CERS1: variants seen among roughly 807,000 people sequenced by gnomAD.
CERS1 encodes ceramide synthase 1.
CERS1 carries 16 observed loss-of-function variants against 35.7 expected under a neutral mutation model. That is an observed-to-expected ratio of 0.45 (90% CI 0.30 to 0.68). CERS1 has a LOEUF of 0.68. Among genes scored for constraint, CERS1 ranks in the 30% least tolerant of loss-of-function variants. The pLI is 0.08. For missense variants in CERS1, 454 were observed against 453.9 expected (o/e 1.00, Z 0.00); for synonymous variants, 243 against 201.6 (o/e 1.21, Z -1.74).
At chr19:18,889,167 C>T (rs569322336) in intron 2 of CERS1, among the ~76,000 whole-genome samples, 6 of 152,176 alleles carry the variant, frequency 3.9e-5, no homozygotes, top group South Asian at 4.1e-4. Context: ...GCTAGGATTA[C>T]AGGTGTGAGC....
At position 18,884,242 on chromosome 19, in the gene CERS1, T is replaced by C. The variant is rs754993958; in HGVS notation, c.435A>G (p.Pro145=). 2.5e-6 allele frequency: 4 copies of C among 1,613,170 alleles called. No individual in the cohort carries two copies. Among genetic ancestry groups the C allele is most frequent in the Admixed American group, 3.3e-5 (2 of 59,948 alleles). ...GCAGGTAGGCGGCTGCAATGTCCCGTGGCACTGCCATGCCCGGCGTCCAGT... is the reference window on the plus strand; with the variant it reads ...GCAGGTAGGCGGCTGCAATGTCCCGCGGCACTGCCATGCCCGGCGTCCAGT... ...FYDWTPGMAV[P]RDIAAAYLLQ... is the part of the protein sequence containing the mutation. The change falls in exon 3 of 8, where the codon CCA becomes CCG. Residue 145 remains proline, a synonymous_variant. Coordinates refer to ENST00000623882, the MANE Select transcript of CERS1 (RefSeq NM_021267.5).
rs187001958 is a variant in CERS1, at chr19:18,878,230, T to C, written c.1010+700A>G. On this transcript the variant is annotated intron_variant, in intron 6 of 7. Transcript: ENST00000623882. This position sits in a 1 kb window ranked among gnomAD's most constrained non-coding sequence, Gnocchi z 4.6. ...GCTCAAACACTCCTCACGTTGCCTA[T>C]GAGACACTGCACACCCGACTCTGCT... The C allele has an allele frequency of 2.8e-4, 279 of 985,604 alleles. No individual in the cohort carries two copies. Among genetic ancestry groups the C allele is most frequent in the Non-Finnish European group, 3.3e-4 (277 of 830,192 alleles). 61.1% of individuals were successfully genotyped at this position (985,604 alleles called of 1,614,324 possible). A position where few individuals can be genotyped will look rare whatever the true frequency, so the allele number is the denominator to read the frequency against.
chr19:18,869,552 A>G (rs2055924552), intron 7 of CERS1, among the ~76,000 whole-genome samples, 162 bp from the exon 8 acceptor site: 1 of 120,084 alleles, frequency 8.3e-6, no homozygotes, highest in Non-Finnish European at 1.7e-5. Context: ...GGGGCAGGGC[A>G]TGAGTTCCAA....
rs1258652147 is a variant in CERS1 at position 18,868,995 on chromosome 19, C to G, written c.*990G>C. ...GCCAGGGGGTGGCACAGGCGCGGGT[C>G]GAGGGTCACCAGCAGCAGCGAGGCC... On this transcript the variant is annotated 3_prime_UTR_variant, in exon 8 of 8. Coordinates refer to ENST00000623882, the MANE Select transcript of CERS1 (RefSeq NM_021267.5). 9 of 1,107,464 alleles carry G rather than the reference C, an allele frequency of 8.1e-6. No homozygotes were observed. The highest frequency in any genetic ancestry group is 1.7e-5 in the African/African-American group (1 of 58,974). The allele number at this position is 1,107,464 out of a possible 1,614,324, so 68.6% of individuals were successfully genotyped here.
In CERS1 at chr19:18,881,863, C is replaced by G. The variant is rs1445697612; in HGVS notation, c.591-1428G>C. On this transcript the variant is annotated intron_variant, in intron 3 of 7. Transcript: ENST00000623882. Reference sequence around the variant, plus strand: ...GGAGACACAGCCTCACTCTGTTGCCCAGGCTGGAATGCCTCGGCTCACAGC... The same window carrying G: ...GGAGACACAGCCTCACTCTGTTGCCGAGGCTGGAATGCCTCGGCTCACAGC... The G allele has an allele frequency of 2.0e-5, 3 of 152,270 alleles. No homozygotes were observed. The East Asian group carries it at 5.8e-4, about 29-fold the overall frequency. The allele number at this position is 152,270 out of a possible 1,614,324, so 9.4% of individuals were successfully genotyped here. A position where few individuals can be genotyped will look rare whatever the true frequency, so the allele number is the denominator to read the frequency against.
In CERS1 at chr19:18,878,829, C is replaced by CGGCCTCATCTGCTGCT; in HGVS notation, c.1010+85_1010+100dup. ...TAGGCTTGGGGGGCAGCATCCGCGT[C>CGGCCTCATCTGCTGCT]GGCCTCATCTGCTGCTGGGTCTTGG... On this transcript the variant is annotated intron_variant, in intron 6 of 7. Transcript: ENST00000623882. The surrounding 1 kb of genome is among the most constrained non-coding windows in gnomAD (Gnocchi z 4.6). The CGGCCTCATCTGCTGCT allele has an allele frequency of 6.6e-7, 1 of 1,520,522 alleles. No individual in the cohort carries two copies. Among genetic ancestry groups the CGGCCTCATCTGCTGCT allele is most frequent in the Admixed American group, 2.0e-5 (1 of 49,328 alleles). The allele number at this position is 1,520,522 out of a possible 1,614,324, so 94.2% of individuals were successfully genotyped here. A position where few individuals can be genotyped will look rare whatever the true frequency, so the allele number is the denominator to read the frequency against.
chr19:18,872,700 G>T (rs61638426), intron 6 of CERS1, among the ~76,000 whole-genome samples: 97 of 151,912 alleles, frequency 6.4e-4, no homozygotes, highest in Middle Eastern at 3.4e-3. Context: ...ATTTTTAGTA[G>T]AGATGCGGTT....
chr19:18,882,431 G>A (rs1161586925), intron 3 of CERS1, among the ~76,000 whole-genome samples: 2 of 151,388 alleles, frequency 1.3e-5, no homozygotes, highest in Non-Finnish European at 2.9e-5. Context: ...TCAGGAGTTC[G>A]AGTCCAGCCT....
chr19:18,891,708 G>A (rs2056495139), intron 2 of CERS1, among the ~76,000 whole-genome samples: 2 of 151,862 alleles, frequency 1.3e-5, no homozygotes, highest in Non-Finnish European at 2.9e-5. Flanking sequence ...CTCCCAAGTA[G>A]CTGGTACTAC....
At chr19:18,869,860 A>G in intron 7 of CERS1, 123 bp downstream of exon 7, 1 of 925,744 alleles carries the variant, frequency 1.1e-6, no homozygotes, top group Non-Finnish European at 1.7e-6. Flanking sequence ...CGAAGTTGCT[A>G]GTAGCCTGGA....
At chr19:18,884,615 C>T (rs1601173917) in intron 2 of CERS1, among the ~76,000 whole-genome samples, 1 of 151,506 alleles carries the variant, frequency 6.6e-6, no homozygotes, top group Admixed American at 6.6e-5. Flanking sequence ...CACTGTGTTA[C>T]CCAGGATGGT....
In CERS1 at chr19:18,878,274, C is replaced by T. The variant is rs2056101673; in HGVS notation, c.1010+656G>A. The T allele has an allele frequency of 5.1e-6, 5 of 985,764 alleles. No homozygotes were observed. The highest frequency in any genetic ancestry group is 6.0e-6 in the Non-Finnish European group (5 of 830,300). 61.1% of individuals were successfully genotyped at this position (985,764 alleles called of 1,614,324 possible). On this transcript the variant is annotated intron_variant, in intron 6 of 7. Transcript: ENST00000623882. The surrounding 1 kb of genome is among the most constrained non-coding windows in gnomAD (Gnocchi z 4.6). ...CTCTGCTTGTTACCCAGTTTGGCCT[C>T]CGTTCATCCCTGGCCCAGACACCCC...
At chr19:18,889,572 G>A (rs1050961248) in intron 2 of CERS1, among the ~76,000 whole-genome samples, 7 of 152,132 alleles carry the variant, frequency 4.6e-5, no homozygotes, top group South Asian at 2.1e-4. Context: ...CCACAGGCAC[G>A]CGCCACCATA....
rs1486943201 is a variant in CERS1, at chr19:18,879,261, T to C, written c.880A>G (p.Met294Val). The C allele has an allele frequency of 6.2e-7, 1 of 1,613,508 alleles. No homozygotes were observed. ...FNALLLLLTLMNLYWFLYIVA... is the reference protein window; with the variant it reads ...FNALLLLLTLVNLYWFLYIVA... ...CTCACCAGGAACCAGTAGAGGTTCATAAGGGTGAGCAGCAGCAGGAGCGCA... is the reference window on the plus strand; with the variant it reads ...CTCACCAGGAACCAGTAGAGGTTCACAAGGGTGAGCAGCAGCAGGAGCGCA... Residue 294 changes from methionine to valine, a missense_variant, in exon 5 of 8, where the codon ATG becomes GTG. Transcript: ENST00000623882.
intron 3 of CERS1, 75 bp downstream of exon 3, chr19:18,884,012 G>T: frequency 6.8e-7 from 1 of 1,478,156 alleles, no homozygotes. Context: ...CCTCCTCTGT[G>T]CCCCGCCGCA....
intron 7 of CERS1, 28 bp from the exon 8 acceptor site, chr19:18,869,418 T>C (rs2055920671): frequency 6.6e-7 from 1 of 1,523,556 alleles, no homozygotes. Context: ...GGAACTCGGC[T>C]CGCGCTGCGT....
intron 5 of CERS1, 85 bp downstream of exon 5, chr19:18,879,156 C>A: frequency 1.3e-6 from 2 of 1,596,712 alleles, no homozygotes; most frequent in South Asian, 1.1e-5. Flanking sequence ...CCTAACGTGC[C>A]CCTCCCCGGG....
rs758095932 is a variant in CERS1 at position 18,879,021 on chromosome 19, C to T, written c.919G>A (p.Ala307Thr). ...YWFLYIVAFA[A>T]KVLTGQVHEL... ...TGCACCTGGCCTGTCAACACCTTGG[C>T]TGCAAACGCCACGATGTACTGCGAG... The change falls in exon 6 of 8, where the codon GCC (alanine) becomes ACC (threonine). Residue 307 changes from alanine (A) to threonine (T), a missense_variant. Physicochemically the swap from Ala to Thr is moderately conservative, Grantham distance 58. Transcript: ENST00000623882. The T allele has an allele frequency of 1.2e-6, 2 of 1,613,710 alleles. No homozygotes were observed. The highest frequency in any genetic ancestry group is 1.1e-5 in the South Asian group (1 of 91,088).
chr19:18,889,120 G>T (rs899888388), intron 2 of CERS1, among the ~76,000 whole-genome samples: 1 of 151,842 alleles, frequency 6.6e-6, no homozygotes, highest in Non-Finnish European at 1.5e-5. Context: ...TGGAACTCCC[G>T]GCCTCAAGTG....
Sources: allele counts gnomAD v4.1 joint callset (sites outside exome capture counted in the v4.1 genomes callset), GRCh38; gene constraint gnomAD v4.1.1; non-coding constraint Gnocchi (gnomAD v3.1); transcripts MANE v1.5; gene names NCBI Gene and HGNC (gene_info 2026-07-23, HGNC 2026-07-21).